Variants in CCDC33 observed in about 807,000 individuals in gnomAD.
CCDC33 encodes the protein coiled-coil domain-containing protein 33.
In CCDC33, 94 loss-of-function variants were observed where a neutral mutation model predicts 91.9. The ratio of observed to expected loss-of-function variants is 1.02; its 90% CI spans 0.87 to 1.21. The LOEUF (loss-of-function observed/expected upper bound fraction) is 1.21, where lower values mean the gene tolerates loss of function less well. Among genes scored for constraint, CCDC33 ranks in the 50% most tolerant of loss-of-function variants. The pLI is 0.00. For synonymous variants in CCDC33, 396 were observed against 374.5 expected (o/e 1.06, Z -0.66); for missense variants, 940 against 935.5 (o/e 1.00, Z -0.06).
At chr15:74,310,092 G>A (rs11631552) in intron 11 of CCDC33, among the ~76,000 whole-genome samples, 2 of 151,928 alleles carry the variant, frequency 1.3e-5, no homozygotes, top group Non-Finnish European at 2.9e-5. Context: ...TTGAGGCTGC[G>A]GGCAGTGAGC....
intron 2 of CCDC33, among the ~76,000 whole-genome samples, chr15:74,227,112 TC>T (rs1195345874): frequency 6.6e-6 from 1 of 152,096 alleles, no homozygotes; most frequent in African/African-American, 2.4e-5. Context: ...ATCATACTGG[TC>T]TTGGGAGGTA....
chr15:74,323,048 T>C (rs1256615938), intron 11 of CCDC33, among the ~76,000 whole-genome samples: 2 of 152,050 alleles, frequency 1.3e-5, no homozygotes, highest in East Asian at 1.9e-4. Flanking sequence ...CCCCTATGCA[T>C]CCCTCCCTCT....
At chr15:74,227,239 A>G (rs1328410555) in intron 2 of CCDC33, among the ~76,000 whole-genome samples, 7 of 152,174 alleles carry the variant, frequency 4.6e-5, no homozygotes, top group African/African-American at 1.7e-4. Flanking sequence ...CCAGATCACC[A>G]TATATTTTGG....
chr15:74,255,711 C>T (rs1029758177), intron 2 of CCDC33, among the ~76,000 whole-genome samples: 4 of 152,250 alleles, frequency 2.6e-5, no homozygotes, highest in Admixed American at 2.6e-4. Flanking sequence ...AGACCAGGGG[C>T]CAGGCTGGAC....
rs1269717585 is a variant in CCDC33, at chr15:74,207,680, A to T, written n.90-1708A>T. On this transcript the variant is annotated intron_variant and non_coding_transcript_variant, in intron 1 of 3. Coordinates refer to the CCDC33 transcript ENST00000558645. ...AGAGAGGCGTTCCAGGAGTGGGGGG[A>T]TGGCCACTGTGCCCACCTGTGCAGC... 5.2e-6 allele frequency: 8 copies of T among 1,533,304 alleles called. No homozygotes were observed. The African/African-American group carries it at 9.6e-5, about 18-fold the overall frequency. 95.0% of individuals were successfully genotyped at this position (1,533,304 alleles called of 1,614,324 possible).
intron 1 of CCDC33, among the ~76,000 whole-genome samples, chr15:74,208,207 A>T (rs573007486): frequency 6.6e-6 from 1 of 152,206 alleles, no homozygotes; most frequent in Admixed American, 6.5e-5. Context: ...TCAGCTCAGA[A>T]CAAAGGTAGC....
intron 1 of CCDC33, among the ~76,000 whole-genome samples, chr15:74,206,197 A>G (rs1477115286): frequency 5.3e-5 from 8 of 152,010 alleles, no homozygotes; most frequent in Non-Finnish European, 1.2e-4. Context: ...AGGTGCCCCC[A>G]TTGCCTCCCA....
At chr15:74,225,117 CGTG>C (rs1356911740) in intron 2 of CCDC33, among the ~76,000 whole-genome samples, 3 of 139,832 alleles carry the variant, frequency 2.1e-5, no homozygotes, top group South Asian at 4.8e-4. Context: ...CTCCTGGAGG[CGTG>C]TGTGTGTGTG....
chr15:74,320,141 G>A (rs1456441963), intron 11 of CCDC33, among the ~76,000 whole-genome samples: 2 of 152,136 alleles, frequency 1.3e-5, no homozygotes, highest in Non-Finnish European at 2.9e-5. Context: ...CAGGGCCCTG[G>A]TTCTAGAAAC....
chr15:74,312,341 G>A (rs1223136367), intron 11 of CCDC33, among the ~76,000 whole-genome samples: 1 of 152,220 alleles, frequency 6.6e-6, no homozygotes, highest in Non-Finnish European at 1.5e-5. Flanking sequence ...CGCAGTGTCA[G>A]CAGCCGCCCC....
At chr15:74,255,901 A>C (rs936280226) in intron 2 of CCDC33, among the ~76,000 whole-genome samples, 41 of 152,216 alleles carry the variant, frequency 2.7e-4, no homozygotes, top group Admixed American at 1.6e-3. Flanking sequence ...CTGGCTCAGC[A>C]GCCTGGGCCA....
chr15:74,251,059 C>G (rs1275177569), intron 2 of CCDC33, among the ~76,000 whole-genome samples: 1 of 152,246 alleles, frequency 6.6e-6, no homozygotes, highest in Non-Finnish European at 1.5e-5. Context: ...CCTGTATGAA[C>G]TCAGGCCAGT....
intron 2 of CCDC33, among the ~76,000 whole-genome samples, chr15:74,222,289 G>A (rs980464365): frequency 1.3e-5 from 2 of 152,262 alleles, no homozygotes; most frequent in Non-Finnish European, 1.5e-5. Context: ...TTCTGGAAAC[G>A]CAAATTTTAA....
rs76721328 is a variant in CCDC33 at position 74,238,482 on chromosome 15, C to T, written c.21+1742C>T. On this transcript the variant is annotated intron_variant, in intron 1 of 18. Coordinates refer to ENST00000398814, the MANE Select transcript of CCDC33 (RefSeq NM_025055.5). ...TTGTGTTTCTTCTTTTGTGAATCCC[C>T]AGTTCATGTTTTTTAAATTGGATAA... Among the ~76,000 whole-genome samples, 5 of 151,578 alleles carry T rather than the reference C, an allele frequency of 3.3e-5. No homozygotes were observed. The East Asian group carries it at 9.7e-4, about 29-fold the overall frequency.
rs572888796 is a variant in CCDC33 at position 74,267,086 on chromosome 15, G to A, written c.429+299G>A. On this transcript the variant is annotated intron_variant, in intron 4 of 18. Coordinates refer to ENST00000398814, the MANE Select transcript of CCDC33 (RefSeq NM_025055.5). The stretch of plus-strand genomic sequence containing the variant: ...TTGATTACAAAAATGTTAAAAGAGC[G>A]GATCTAAAAATCAAAGAAACACAAT... Among the ~76,000 whole-genome samples the A allele has an allele frequency of 1.6e-4, 24 of 152,304 alleles. No homozygotes were observed. In the South Asian group the frequency reaches 3.3e-3, roughly 21 times the overall value.
At chr15:74,225,002 G>T (rs1395487881) in intron 2 of CCDC33, among the ~76,000 whole-genome samples, 2 of 152,100 alleles carry the variant, frequency 1.3e-5, no homozygotes, top group African/African-American at 4.8e-5. Flanking sequence ...TCTGGGAAGA[G>T]CCTCCATTAG....
chr15:74,236,710 C>T lies in CCDC33; in HGVS notation c.-10C>T, dbSNP rs780023438. On this transcript the variant is annotated 5_prime_UTR_variant, in exon 1 of 19. Coordinates refer to ENST00000398814, the MANE Select transcript of CCDC33 (RefSeq NM_025055.5). ...GTTAAACAAGGCCAGACACTCCTGGCCTCAAGAGGATGGGACTGAAAAACA... is the reference window on the plus strand; with the variant it reads ...GTTAAACAAGGCCAGACACTCCTGGTCTCAAGAGGATGGGACTGAAAAACA... The T allele has an allele frequency of 3.6e-5, 58 of 1,613,540 alleles. No individual in the cohort carries two copies. The highest frequency in any genetic ancestry group is 4.7e-5 in the Non-Finnish European group (55 of 1,179,746).
At chr15:74,238,622 T>C (rs184400138) in intron 1 of CCDC33, among the ~76,000 whole-genome samples, 10 of 152,266 alleles carry the variant, frequency 6.6e-5, no homozygotes, top group Admixed American at 5.2e-4. Context: ...TTTTGGACCA[T>C]TATAGAAGTT....
intron 10 of CCDC33, among the ~76,000 whole-genome samples, chr15:74,289,107 G>C (rs541238139): frequency 1.3e-5 from 2 of 152,148 alleles, no homozygotes; most frequent in Admixed American, 6.5e-5. Flanking sequence ...CCATCACTCG[G>C]TGCCCGCCCC....
Sources: allele counts gnomAD v4.1 joint callset (sites outside exome capture counted in the v4.1 genomes callset), GRCh38; gene constraint gnomAD v4.1.1; transcripts MANE v1.5; gene names NCBI Gene and HGNC (gene_info 2026-07-23, HGNC 2026-07-21).